Variants in CLASP2 observed in about 807,000 individuals in gnomAD.
CLASP2 encodes the protein cytoplasmic linker associated protein 2, also known as CLIP-associating protein 2.
In CLASP2, 47 loss-of-function variants were observed where a neutral mutation model predicts 194.4. The ratio of observed to expected loss-of-function variants is 0.24; its 90% CI spans 0.19 to 0.31. The LOEUF (loss-of-function observed/expected upper bound fraction) is 0.31. Among genes scored for constraint, CLASP2 ranks in the 10% least tolerant of loss-of-function variants. The probability of loss-of-function intolerance (pLI) is 1.00; values close to 1 mark genes in which losing one functional copy is unlikely to be tolerated. For synonymous variants in CLASP2, 619 were observed against 633.5 expected, an observed-to-expected ratio of 0.98 and a Z score of 0.34; for missense variants, 1,445 against 1,823.6, an observed-to-expected ratio of 0.79 and a Z score of 3.78.
At chr3:33,548,442 T>A (rs1211822303) in intron 30 of CLASP2, among the ~76,000 whole-genome samples, 1 of 151,950 alleles carries the variant, frequency 6.6e-6, no homozygotes, top group Non-Finnish European at 1.5e-5. Flanking sequence ...GGACTGCAGG[T>A]GCGTGCCACC....
At chr3:33,711,196 T>A (rs986044476) in intron 1 of CLASP2, among the ~76,000 whole-genome samples, 1 of 152,008 alleles carries the variant, frequency 6.6e-6, no homozygotes, top group Non-Finnish European at 1.5e-5. Context: ...ACACCTTCAG[T>A]TGCCCTAGTG....
chr3:33,525,263 T>G (rs992070844), intron 34 of CLASP2, among the ~76,000 whole-genome samples: 9 of 151,982 alleles, frequency 5.9e-5, no homozygotes, highest in Non-Finnish European at 2.9e-5. Flanking sequence ...AAAACAGTGC[T>G]AAGGGGGAAA....
At chr3:33,641,675 T>C (rs188632494) in intron 8 of CLASP2, among the ~76,000 whole-genome samples, 3 of 152,078 alleles carry the variant, frequency 2.0e-5, no homozygotes, top group Admixed American at 2.0e-4. Flanking sequence ...AATCTGGATA[T>C]ATATCTCTAG....
rs772001136 is a variant in CLASP2 at position 33,510,642 on chromosome 3, G to T, written c.4233C>A (p.Ile1411=). The T allele has an allele frequency of 1.4e-5, 22 of 1,613,854 alleles. No homozygotes were observed. The South Asian group carries it at 2.4e-4, about 18-fold the overall frequency. Reference sequence around the variant, plus strand: ...TCTCTATCACTTTTGTTTGCATTTTGATTGCAGCCAGATTAATTGGGTAGT... The same window carrying T: ...TCTCTATCACTTTTGTTTGCATTTTTATTGCAGCCAGATTAATTGGGTAGT... ...TADYPINLAA[I]KMQTKVIERV... The change falls in exon 37 of 39, where the codon ATC becomes ATA. Residue 1411 remains isoleucine, a synonymous_variant. Transcript: ENST00000682230.
intron 6 of CLASP2, among the ~76,000 whole-genome samples, chr3:33,669,554 C>T (rs557293526): frequency 6.7e-6 from 1 of 148,344 alleles, no homozygotes; most frequent in African/African-American, 2.5e-5. Context: ...AAAAGTTCTA[C>T]AAATCAAGTT....
intron 8 of CLASP2, among the ~76,000 whole-genome samples, chr3:33,634,265 A>C (rs955819663): frequency 1.3e-5 from 2 of 152,236 alleles, no homozygotes; most frequent in Admixed American, 6.5e-5. Context: ...TTTTTAGACA[A>C]GTGGAAAAAA....
At chr3:33,551,479 G>T in intron 29 of CLASP2, 84 bp from the exon 30 acceptor site, 1 of 1,370,522 alleles carries the variant, frequency 7.3e-7, no homozygotes, top group Non-Finnish European at 9.9e-7. Context: ...ATCAGGTGAT[G>T]ATGATGATTT....
intron 10 of CLASP2, 45 bp downstream of exon 10, chr3:33,626,943 C>T (rs775961890): frequency 6.9e-6 from 8 of 1,156,386 alleles, no homozygotes; most frequent in Non-Finnish European, 9.9e-6. Context: ...TTAAAAGGAA[C>T]ATCAATAAAG....
intron 21 of CLASP2, 118 bp downstream of exon 21, chr3:33,592,277 T>G (rs1165886637): frequency 6.3e-6 from 5 of 793,562 alleles, no homozygotes; most frequent in Non-Finnish European, 8.6e-6. Flanking sequence ...GTGGCTTGTC[T>G]TTTTTTAAAT....
chr3:33,646,359 G>A (rs1244235294), intron 7 of CLASP2, among the ~76,000 whole-genome samples: 3 of 151,778 alleles, frequency 2.0e-5, no homozygotes, highest in African/African-American at 4.8e-5. Context: ...CAACTTGCAG[G>A]AAAAAATTAT....
At position 33,538,957 on chromosome 3, in the gene CLASP2, A is replaced by G; in HGVS notation, c.3405-15T>C. On this transcript the variant is annotated splice_polypyrimidine_tract_variant and intron_variant, in intron 32 of 38. Coordinates refer to ENST00000682230, the MANE Select transcript of CLASP2 (RefSeq NM_001365631.1). ...AATCAAATGCACTATGAAAAAGACG[A>G]CACTAATTTTTACTTAGGTGTAGTT... 10 of 1,541,078 alleles carry G rather than the reference A, an allele frequency of 6.5e-6. No individual in the cohort carries two copies. The highest frequency in any genetic ancestry group is 8.7e-6 in the Non-Finnish European group (10 of 1,145,572).
chr3:33,685,614 T>C (rs2090564595), intron 5 of CLASP2, among the ~76,000 whole-genome samples: 1 of 152,124 alleles, frequency 6.6e-6, no homozygotes, highest in African/African-American at 2.4e-5. Context: ...CGATGGAATA[T>C]TATTCAGCCT....
chr3:33,714,049 G>A (rs1215406888), intron 1 of CLASP2, among the ~76,000 whole-genome samples: 1 of 152,096 alleles, frequency 6.6e-6, no homozygotes, highest in Non-Finnish European at 1.5e-5. Context: ...ATATACTTAT[G>A]TCTCCTTTTC....
intron 34 of CLASP2, among the ~76,000 whole-genome samples, chr3:33,533,825 C>T (rs965884526): frequency 6.6e-6 from 1 of 152,146 alleles, no homozygotes; most frequent in Non-Finnish European, 1.5e-5. Flanking sequence ...TCAAGCGATT[C>T]TCCTGCCTCA....
intron 34 of CLASP2, among the ~76,000 whole-genome samples, chr3:33,523,528 GA>G (rs929595181): frequency 6.6e-6 from 1 of 152,058 alleles, no homozygotes; most frequent in Non-Finnish European, 1.5e-5. Context: ...AGTGCTAAAA[GA>G]AAAAAACTGT....
chr3:33,611,327 C>A (rs1371440882), intron 13 of CLASP2, among the ~76,000 whole-genome samples: 4 of 152,222 alleles, frequency 2.6e-5, no homozygotes, highest in Admixed American at 6.5e-5. Context: ...TAATCTTCCT[C>A]ATTTTTCCTT....
chr3:33,559,917 T>C (rs1027445655), intron 28 of CLASP2, among the ~76,000 whole-genome samples: 3 of 152,002 alleles, frequency 2.0e-5, no homozygotes, highest in Non-Finnish European at 2.9e-5. Context: ...AGCAACACTA[T>C]AGGAAATAAT....
At chr3:33,641,753 T>C (rs1427987914) in intron 8 of CLASP2, among the ~76,000 whole-genome samples, 1 of 136,688 alleles carries the variant, frequency 7.3e-6, no homozygotes, top group Non-Finnish European at 1.5e-5. Context: ...GCTCACTGTA[T>C]TTTTTTTTTT....
At chr3:33,541,519 T>C (rs1207213029) in intron 32 of CLASP2, among the ~76,000 whole-genome samples, 3 of 152,216 alleles carry the variant, frequency 2.0e-5, no homozygotes, top group Non-Finnish European at 4.4e-5. Flanking sequence ...CAGTGTGTTT[T>C]GTTCCCCTCT....
Sources: gnomAD v4.1 joint callset for allele counts (sites outside exome capture counted in the v4.1 genomes callset) on GRCh38, gnomAD v4.1.1 for gene constraint, MANE v1.5 for transcripts, NCBI Gene and HGNC (gene_info 2026-07-23, HGNC 2026-07-21) for gene names.